TBC1D9B: variants seen among roughly 807,000 people sequenced by gnomAD.
TBC1D9B encodes the protein TBC1 domain family member 9B.
Under a neutral mutation model 121.1 loss-of-function variants are expected in TBC1D9B, and 87 were observed. That is an observed-to-expected ratio of 0.72 (90% CI 0.60 to 0.86). TBC1D9B has a LOEUF of 0.86. Among genes scored for constraint, TBC1D9B ranks in the 40% least tolerant of loss-of-function variants. The pLI is 0.00. For missense variants in TBC1D9B, 1,540 were observed against 1,628.6 expected (o/e 0.95, Z 0.94); for synonymous variants, 668 against 670.1 (o/e 1.00, Z 0.05).
At chr5:179,866,684 T>A (rs1236596832) in intron 18 of TBC1D9B, 1 of 152,216 alleles carries the variant, frequency 6.6e-6, no homozygotes, top group Non-Finnish European at 1.5e-5. Flanking sequence ...AAGCCTAGAG[T>A]GGCCTGCTGG....
intron 4 of TBC1D9B, among the ~76,000 whole-genome samples, chr5:179,893,777 G>T (rs966543363): frequency 6.6e-6 from 1 of 152,126 alleles, no homozygotes; most frequent in Non-Finnish European, 1.5e-5. Context: ...GGAGCGCACG[G>T]AGGTGTGAAC....
At chr5:179,881,464 G>A (rs1561640630) in intron 7 of TBC1D9B, among the ~76,000 whole-genome samples, 3 of 152,130 alleles carry the variant, frequency 2.0e-5, no homozygotes, top group African/African-American at 7.2e-5. Flanking sequence ...GCACAGAACT[G>A]CACTGTTACT....
At position 179,885,141 on chromosome 5, in the gene TBC1D9B, C is replaced by T. The variant is rs1760641437; in HGVS notation, c.1254+2962G>A. On this transcript the variant is annotated intron_variant, in intron 7 of 20. Transcript: ENST00000355235. This position sits in a 1 kb window ranked among gnomAD's most constrained non-coding sequence, Gnocchi z 4.5. Reference sequence around the variant, plus strand: ...TTGCCACTCTCTAGTCCAGCACTGCCCAAGAGAGATGATGAGAGCCACAAA... The same window carrying T: ...TTGCCACTCTCTAGTCCAGCACTGCTCAAGAGAGATGATGAGAGCCACAAA... Among the ~76,000 whole-genome samples, 1 of 152,072 alleles carries T rather than the reference C, an allele frequency of 6.6e-6. No individual in the cohort carries two copies. Among genetic ancestry groups the T allele is most frequent in the South Asian group, 2.1e-4 (1 of 4,820 alleles).
rs1384887644 is a variant in TBC1D9B, at chr5:179,870,507, G to A, written c.2485-12C>T. ...GCCAGGTGCTTGGCCTGTGGGACAC[G>A]GTCTGGTGAGACGGTCCAGCCGCTA... On this transcript the variant is annotated splice_polypyrimidine_tract_variant and intron_variant, in intron 15 of 20. Transcript: ENST00000355235. 9.4e-6 allele frequency: 15 copies of A among 1,600,018 alleles called. No individual in the cohort carries two copies. The highest frequency in any genetic ancestry group is 8.9e-5 in the East Asian group (4 of 44,696).
At position 179,907,525 on chromosome 5, in the gene TBC1D9B, C is replaced by A. The variant is rs1761358114; in HGVS notation, c.118+179G>T. Among the ~76,000 whole-genome samples the A allele has an allele frequency of 6.7e-6, 1 of 150,050 alleles. No homozygotes were observed. The highest frequency in any genetic ancestry group is 2.4e-5 in the African/African-American group (1 of 41,150). On this transcript the variant is annotated intron_variant, in intron 1 of 20. Transcript: ENST00000355235. This position sits in a 1 kb window ranked among gnomAD's most constrained non-coding sequence, Gnocchi z 5.3. ...AGCCCCTCGCCTCCCCGCCCCGGCC[C>A]CTCCGCGCCCGGCTCCCGGGTCCTG...
At position 179,888,199 on chromosome 5, in the gene TBC1D9B, CAAG is replaced by C. The variant is rs775497278; in HGVS notation, c.1155_1157del (p.Phe385del). On this transcript the variant is annotated inframe_deletion, in exon 7 of 21. Transcript: ENST00000355235. ...GGAGGAAGTCAGAGATCCTCTGCAC[CAAG>C]AAATCACGGTCTTTCAGGTTGGCAA... 1 of 1,612,950 alleles carries C rather than the reference CAAG, an allele frequency of 6.2e-7. No individual in the cohort carries two copies. Among genetic ancestry groups the C allele is most frequent in the Admixed American group, 1.7e-5 (1 of 59,590 alleles).
Position 179,865,498 on chromosome 5 carries a change from G to A in TBC1D9B, c.2915-138C>T, listed in dbSNP as rs1484426726. 9 of 806,908 alleles carry A rather than the reference G, an allele frequency of 1.1e-5. No homozygotes were observed. Among genetic ancestry groups the A allele is most frequent in the Admixed American group, 2.4e-5 (1 of 41,218 alleles). The allele number at this position is 806,908 out of a possible 1,614,324, so 50.0% of individuals were successfully genotyped here. A position where few individuals can be genotyped will look rare whatever the true frequency, so the allele number is the denominator to read the frequency against. ...ATAAAACACCCTGGCGTTTGGGAAGGTGGTCATGGGAAAAAAACCCAGAAC... is the reference window on the plus strand; with the variant it reads ...ATAAAACACCCTGGCGTTTGGGAAGATGGTCATGGGAAAAAAACCCAGAAC... On this transcript the variant is annotated intron_variant, in intron 19 of 20. Coordinates refer to ENST00000355235, the MANE Select transcript of TBC1D9B (RefSeq NM_015043.4). This position sits in a 1 kb window ranked among gnomAD's most constrained non-coding sequence, Gnocchi z 5.1.
chr5:179,868,555 GC>G (rs1760089817), intron 17 of TBC1D9B: 1 of 152,260 alleles, frequency 6.6e-6, no homozygotes, highest in African/African-American at 2.4e-5. Flanking sequence ...CTGCCCGCCT[GC>G]CCCAGTGACC....
intron 7 of TBC1D9B, among the ~76,000 whole-genome samples, chr5:179,880,269 C>T (rs1027725176): frequency 1.3e-5 from 2 of 152,214 alleles, no homozygotes; most frequent in Non-Finnish European, 2.9e-5. Flanking sequence ...GGCCCTTCTG[C>T]AGGAGTGTTG....
rs1450061798 is a variant in TBC1D9B, at chr5:179,890,966, C to A, written c.1044+413G>T. 6.6e-6 allele frequency among the ~76,000 whole-genome samples: 1 copy of A among 152,230 alleles called. No individual in the cohort carries two copies. Among genetic ancestry groups the A allele is most frequent in the African/African-American group, 2.4e-5 (1 of 41,462 alleles). ...CCGAGCCACGCCAAGGTGGTATGTC[C>A]AGAGAGGACTGGTGAGGTGGCCTCT... On this transcript the variant is annotated intron_variant, in intron 6 of 20. Transcript: ENST00000355235. The surrounding 1 kb of genome is among the most constrained non-coding windows in gnomAD (Gnocchi z 5.0).
chr5:179,874,145 G>A lies in TBC1D9B; in HGVS notation c.2186+757C>T, dbSNP rs565158147. ...GAGGGTGGGACTGCACAGAGCTCAG[G>A]GCAGGGCAGAGTGTAGCCAGGAGGG... On this transcript the variant is annotated intron_variant, in intron 12 of 20. Coordinates refer to ENST00000355235, the MANE Select transcript of TBC1D9B (RefSeq NM_015043.4). The surrounding 1 kb of genome is among the most constrained non-coding windows in gnomAD (Gnocchi z 4.3). Among the ~76,000 whole-genome samples, 58 of 152,182 alleles carry A rather than the reference G, an allele frequency of 3.8e-4. No homozygotes were observed. Among genetic ancestry groups the A allele is most frequent in the Middle Eastern group, 3.2e-3 (1 of 316 alleles).
Position 179,885,976 on chromosome 5 carries a change from G to A in TBC1D9B, c.1254+2127C>T, listed in dbSNP as rs1370957024. On this transcript the variant is annotated intron_variant, in intron 7 of 20. Transcript: ENST00000355235. The surrounding 1 kb of genome is among the most constrained non-coding windows in gnomAD (Gnocchi z 4.5). ...TCCTAAGCCCTGGTCCCAGAAGCCCGTGCCACATCCAATCCTGTCTCCCAG... is the reference window on the plus strand; with the variant it reads ...TCCTAAGCCCTGGTCCCAGAAGCCCATGCCACATCCAATCCTGTCTCCCAG... Among the ~76,000 whole-genome samples, 5 of 152,146 alleles carry A rather than the reference G, an allele frequency of 3.3e-5. No homozygotes were observed. The highest frequency in any genetic ancestry group is 2.0e-4 in the Admixed American group (3 of 15,276).
At chr5:179,897,099 G>A (rs1416862940) in intron 3 of TBC1D9B, among the ~76,000 whole-genome samples, 2 of 151,780 alleles carry the variant, frequency 1.3e-5, no homozygotes, top group Non-Finnish European at 2.9e-5. Context: ...AGTAGAGATG[G>A]GGTTTCACTG....
intron 3 of TBC1D9B, among the ~76,000 whole-genome samples, chr5:179,898,366 G>A (rs1465487865): frequency 2.6e-5 from 4 of 152,068 alleles, no homozygotes; most frequent in Non-Finnish European, 5.9e-5. Flanking sequence ...TGTTAGCCAG[G>A]ATGGTCGCGA....
rs560196171 is a variant in TBC1D9B at position 179,872,814 on chromosome 5, T to C, written c.2415+78A>G. On this transcript the variant is annotated intron_variant, in intron 14 of 20. Coordinates refer to ENST00000355235, the MANE Select transcript of TBC1D9B (RefSeq NM_015043.4). ...TAGGAGACTGGGTGCGGTGGAGCCCTGTACCCACCCTGCTCTGTGGGGAAG... is the reference window on the plus strand; with the variant it reads ...TAGGAGACTGGGTGCGGTGGAGCCCCGTACCCACCCTGCTCTGTGGGGAAG... 6.3e-5 allele frequency: 90 copies of C among 1,429,032 alleles called. No individual in the cohort carries two copies. The South Asian group carries it at 1.0e-3, about 16-fold the overall frequency. The allele number at this position is 1,429,032 out of a possible 1,614,324, so 88.5% of individuals were successfully genotyped here.
Position 179,904,382 on chromosome 5 carries a change from C to A in TBC1D9B, c.229+320G>T, listed in dbSNP as rs548730275. On this transcript the variant is annotated intron_variant, in intron 2 of 20. Transcript: ENST00000355235. This position sits in a 1 kb window ranked among gnomAD's most constrained non-coding sequence, Gnocchi z 4.2. ...TGGGACTACAGGCCTCCGCCACCAC[C>A]CCCAGCTAATTTTTTGTGTTTTTTA... 1.3e-5 allele frequency among the ~76,000 whole-genome samples: 2 copies of A among 151,954 alleles called. No homozygotes were observed. The highest frequency in any genetic ancestry group is 3.9e-4 in the East Asian group (2 of 5,182).
In TBC1D9B at chr5:179,885,155, G is replaced by A. The variant is rs1403679134; in HGVS notation, c.1254+2948C>T. 1.3e-5 allele frequency among the ~76,000 whole-genome samples: 2 copies of A among 152,146 alleles called. No individual in the cohort carries two copies. Among genetic ancestry groups the A allele is most frequent in the African/African-American group, 4.8e-5 (2 of 41,428 alleles). Reference sequence around the variant, plus strand: ...TCCAGCACTGCCCAAGAGAGATGATGAGAGCCACAAATGTAATTGTAAATT... The same window carrying A: ...TCCAGCACTGCCCAAGAGAGATGATAAGAGCCACAAATGTAATTGTAAATT... On this transcript the variant is annotated intron_variant, in intron 7 of 20. Coordinates refer to ENST00000355235, the MANE Select transcript of TBC1D9B (RefSeq NM_015043.4). The surrounding 1 kb of genome is among the most constrained non-coding windows in gnomAD (Gnocchi z 4.5).
In TBC1D9B at chr5:179,907,352, G is replaced by T. The variant is rs1761352858; in HGVS notation, c.118+352C>A. Among the ~76,000 whole-genome samples, 1 of 152,088 alleles carries T rather than the reference G, an allele frequency of 6.6e-6. No homozygotes were observed. Among genetic ancestry groups the T allele is most frequent in the African/African-American group, 2.4e-5 (1 of 41,432 alleles). On this transcript the variant is annotated intron_variant, in intron 1 of 20. Transcript: ENST00000355235. This position sits in a 1 kb window ranked among gnomAD's most constrained non-coding sequence, Gnocchi z 5.3. ...TGGAGGATGAGGACAGGGCGGTCTCGCCAACTTTCGGCGGTGAGATCCCGG... is the reference window on the plus strand; with the variant it reads ...TGGAGGATGAGGACAGGGCGGTCTCTCCAACTTTCGGCGGTGAGATCCCGG...
Position 179,873,161 on chromosome 5 carries a change from AG to A in TBC1D9B, c.2273del (p.Pro758LeufsTer10). ...RALLSSSDDPPAEVDIFELLK... is the reference protein window; with the variant it reads ...RALLSSSDDPXAEVDIFELLK... ...GGAGCTCAAAGATGTCCACCTCTGCAGGGGGGTCATCGCTGCTGCTCAGCAA... is the reference window on the plus strand; with the variant it reads ...GGAGCTCAAAGATGTCCACCTCTGCAGGGGGTCATCGCTGCTGCTCAGCAA... On this transcript the variant is annotated frameshift_variant, in exon 13 of 21. Transcript: ENST00000355235. LOFTEE classifies it high-confidence loss of function. 6.2e-7 allele frequency: 1 copy of A among 1,613,054 alleles called. No individual in the cohort carries two copies. Among genetic ancestry groups the A allele is most frequent in the Non-Finnish European group, 8.5e-7 (1 of 1,179,636 alleles).
Sources: allele counts gnomAD v4.1 joint callset (sites outside exome capture counted in the v4.1 genomes callset), GRCh38; gene constraint gnomAD v4.1.1; non-coding constraint Gnocchi (gnomAD v3.1); transcripts MANE v1.5; gene names NCBI Gene and HGNC (gene_info 2026-07-23, HGNC 2026-07-21).